ITGBL1: variants seen among roughly 807,000 people sequenced by gnomAD.
ITGBL1 encodes the protein integrin subunit beta like 1.
In ITGBL1, 51 loss-of-function variants were observed where a neutral mutation model predicts 68.5. That is an observed-to-expected ratio of 0.74 (90% CI 0.59 to 0.94). The LOEUF (loss-of-function observed/expected upper bound fraction) is 0.94, where lower values mean the gene tolerates loss of function less well. Ranked by LOEUF, ITGBL1 falls within the 40% of genes least tolerant of loss-of-function variation. The pLI is 0.00. For synonymous variants in ITGBL1, 209 were observed against 227.3 expected, an observed-to-expected ratio of 0.92 and a Z score of 0.72; for missense variants, 649 against 647.4, an observed-to-expected ratio of 1.00 and a Z score of -0.03.
At chr13:101,492,526 G>A (rs1330123228) in intron 2 of ITGBL1, among the ~76,000 whole-genome samples, 1 of 152,176 alleles carries the variant, frequency 6.6e-6, no homozygotes, top group East Asian at 1.9e-4. Flanking sequence ...GGCAGCTTCT[G>A]TACAGCTGGA....
intron 7 of ITGBL1, among the ~76,000 whole-genome samples, chr13:101,604,677 G>C (rs141701511): frequency 6.7e-6 from 1 of 150,370 alleles, no homozygotes; most frequent in African/African-American, 2.4e-5. Flanking sequence ...CTTGTAAAGA[G>C]TTCGTTTTGC....
intron 6 of ITGBL1, among the ~76,000 whole-genome samples, chr13:101,586,494 A>G (rs966547908): frequency 6.6e-6 from 1 of 152,192 alleles, no homozygotes; most frequent in Non-Finnish European, 1.5e-5. Flanking sequence ...TATAAACCTC[A>G]TTCCATTTTA....
At chr13:101,701,312 A>C (rs932555905) in intron 8 of ITGBL1, among the ~76,000 whole-genome samples, 4 of 152,126 alleles carry the variant, frequency 2.6e-5, no homozygotes, top group Middle Eastern at 3.2e-3. Context: ...AGGCGGGCAG[A>C]TCATGAGGTC....
chr13:101,491,148 A>T (rs990579436), intron 2 of ITGBL1, among the ~76,000 whole-genome samples: 1 of 152,200 alleles, frequency 6.6e-6, no homozygotes, highest in Non-Finnish European at 1.5e-5. Context: ...TTTGTCCTTA[A>T]TGAAACTCTG....
intron 2 of ITGBL1, among the ~76,000 whole-genome samples, chr13:101,466,829 G>A (rs533640386): frequency 8.5e-5 from 13 of 152,240 alleles, no homozygotes; most frequent in Admixed American, 6.5e-4. Context: ...GTCCTTTTAT[G>A]TCAACCCGAA....
chr13:101,627,856 G>A (rs1449678627), intron 7 of ITGBL1, among the ~76,000 whole-genome samples: 1 of 152,182 alleles, frequency 6.6e-6, no homozygotes, highest in Non-Finnish European at 1.5e-5. Flanking sequence ...ACCTACTGAA[G>A]GACGTCTTGG....
chr13:101,470,181 G>A (rs1458406918), intron 2 of ITGBL1, among the ~76,000 whole-genome samples: 2 of 152,126 alleles, frequency 1.3e-5, no homozygotes, highest in African/African-American at 2.4e-5. Flanking sequence ...ACTGCAAAAC[G>A]AAATATTCTG....
intron 2 of ITGBL1, among the ~76,000 whole-genome samples, chr13:101,531,686 AT>A (rs200660490): frequency 0.013 from 1,874 of 139,824 alleles, 51 homozygotes; most frequent in African/African-American, 0.047. Flanking sequence ...TGAAGGTTTT[AT>A]TTTTTTTATT....
intron 2 of ITGBL1, among the ~76,000 whole-genome samples, chr13:101,511,071 C>T (rs967693696): frequency 6.6e-6 from 1 of 151,912 alleles, no homozygotes; most frequent in Non-Finnish European, 1.5e-5. Context: ...AAATCCTTTA[C>T]CAAGCTTGAT....
chr13:101,596,458 CTGTG>C (rs5806237), intron 6 of ITGBL1, among the ~76,000 whole-genome samples: 20,192 of 152,136 alleles, frequency 0.13, 1,439 homozygotes, highest in South Asian at 0.21. Context: ...ACAAAGTTAA[CTGTG>C]TGAGGTGATG....
Position 101,486,115 on chromosome 13 carries a change from T to TAA in ITGBL1, c.316+32024_316+32025dup, listed in dbSNP as rs201787108. 2.6e-3 allele frequency among the ~76,000 whole-genome samples: 353 copies of TAA among 137,904 alleles called. 10 individuals are homozygous for TAA. In the East Asian group the frequency reaches 0.085, roughly 33 times the overall value. 90.5% of individuals were successfully genotyped at this position (137,904 alleles called of 152,430 possible). ...AAGTGTCCATCAACCAACGAGTGGA[T>TAA]AAAAAAAAAATGTGGTATATATACA... On this transcript the variant is annotated intron_variant, in intron 2 of 10. Coordinates refer to ENST00000376180, the MANE Select transcript of ITGBL1 (RefSeq NM_004791.3).
chr13:101,568,672 A>G lies in ITGBL1; in HGVS notation c.463+827A>G, dbSNP rs560927909. On this transcript the variant is annotated intron_variant, in intron 3 of 10. Transcript: ENST00000376180. ...TTTAATATAGATGAGTGTGTGACCC[A>G]TTGCTCTAAATGCTAAAGGTGAGGA... 6.2e-4 allele frequency among the ~76,000 whole-genome samples: 94 copies of G among 152,114 alleles called. 3 individuals carry two copies. The highest frequency in any genetic ancestry group is 2.5e-4 in the Non-Finnish European group (17 of 67,980).
intron 7 of ITGBL1, among the ~76,000 whole-genome samples, chr13:101,604,765 G>T (rs1179704975): frequency 7.0e-6 from 1 of 143,874 alleles, no homozygotes; most frequent in East Asian, 2.1e-4. Context: ...TCTCAATCCT[G>T]ACAGCCGCCA....
chr13:101,473,476 C>T (rs1014739323), intron 2 of ITGBL1, among the ~76,000 whole-genome samples: 4 of 152,224 alleles, frequency 2.6e-5, no homozygotes, highest in African/African-American at 4.8e-5. Flanking sequence ...CTAGCCAGAG[C>T]GGAATCATCC....
intron 2 of ITGBL1, among the ~76,000 whole-genome samples, chr13:101,520,262 AATAAG>A (rs1454914119): frequency 1.3e-5 from 2 of 152,228 alleles, no homozygotes; most frequent in Non-Finnish European, 2.9e-5. Flanking sequence ...ACACAAAATA[AATAAG>A]ATGTTAGAAT....
chr13:101,492,218 A>T (rs2048790172), intron 2 of ITGBL1, among the ~76,000 whole-genome samples: 1 of 152,214 alleles, frequency 6.6e-6, no homozygotes, highest in African/African-American at 2.4e-5. Flanking sequence ...CAGCGTGGTG[A>T]TTCCTCAAGG....
chr13:101,550,845 A>G (rs1295521408), intron 2 of ITGBL1, among the ~76,000 whole-genome samples: 2 of 152,048 alleles, frequency 1.3e-5, no homozygotes, highest in Non-Finnish European at 2.9e-5. Context: ...CTTTCTTCCT[A>G]TTTTTCAACT....
intron 7 of ITGBL1, among the ~76,000 whole-genome samples, chr13:101,687,192 T>C (rs966109789): frequency 2.6e-5 from 4 of 152,078 alleles, no homozygotes; most frequent in African/African-American, 9.7e-5. Context: ...GAGACATATA[T>C]ATCTTTTATT....
At chr13:101,598,392 T>G (rs2139325739) in intron 7 of ITGBL1, 93 bp downstream of exon 7, 1 of 1,088,796 alleles carries the variant, frequency 9.2e-7, no homozygotes, top group Non-Finnish European at 1.2e-6. Context: ...TTGTTTGTTT[T>G]TTGTTTTCTG....
Sources: allele counts gnomAD v4.1 joint callset (sites outside exome capture counted in the v4.1 genomes callset), GRCh38; gene constraint gnomAD v4.1.1; transcripts MANE v1.5; gene names NCBI Gene and HGNC (gene_info 2026-07-23, HGNC 2026-07-21).